HS2ST1: variants seen among roughly 807,000 people sequenced by gnomAD.
HS2ST1 encodes heparan sulfate 2-O-sulfotransferase 1.
HS2ST1 carries 18 observed loss-of-function variants against 42.9 expected under a neutral mutation model. The ratio of observed to expected loss-of-function variants is 0.42; its 90% CI spans 0.29 to 0.62. The LOEUF is 0.62. HS2ST1 is among the 20% of genes least tolerant of loss of function. The pLI, the probability that HS2ST1 is intolerant of heterozygous loss-of-function variation, is 0.21. For synonymous variants in HS2ST1, 146 were observed against 152.9 expected (o/e 0.95, Z 0.33); for missense variants, 334 against 433.8 (o/e 0.77, Z 2.04).
At chr1:87,084,779 C>T (rs942132946) in intron 3 of HS2ST1, among the ~76,000 whole-genome samples, 7 of 151,340 alleles carry the variant, frequency 4.6e-5, no homozygotes, top group African/African-American at 1.2e-4. Flanking sequence ...TCTCTCACCC[C>T]CCCTCTCCTT....
At chr1:87,074,669 A>G (rs1044960543) in intron 2 of HS2ST1, among the ~76,000 whole-genome samples, 2 of 152,046 alleles carry the variant, frequency 1.3e-5, no homozygotes, top group African/African-American at 4.8e-5. Flanking sequence ...TTTTCTTTTA[A>G]TAACTTGTTG....
chr1:87,048,282 G>A (rs973463804), intron 1 of HS2ST1, among the ~76,000 whole-genome samples: 12 of 152,102 alleles, frequency 7.9e-5, no homozygotes, highest in Middle Eastern at 3.4e-3. Context: ...ATTAATTCTC[G>A]TAGCTTTTTT....
chr1:86,952,384 C>T (rs1162935556), intron 1 of HS2ST1, among the ~76,000 whole-genome samples: 11 of 152,098 alleles, frequency 7.2e-5, no homozygotes, highest in South Asian at 2.1e-4. Flanking sequence ...ATTACAGGCA[C>T]GTACCACCAC....
chr1:86,950,234 C>A (rs1316697016), intron 1 of HS2ST1, among the ~76,000 whole-genome samples: 1 of 152,014 alleles, frequency 6.6e-6, no homozygotes, highest in African/African-American at 2.4e-5. Context: ...CCATTTTTTT[C>A]TTTTTGCCAG....
chr1:87,067,022 A>G (rs1209572859), intron 1 of HS2ST1, among the ~76,000 whole-genome samples: 1 of 152,176 alleles, frequency 6.6e-6, no homozygotes, highest in Non-Finnish European at 1.5e-5. Flanking sequence ...ACAGTGCCAC[A>G]GTAAAACATA....
chr1:87,001,337 A>G (rs1445380643), intron 1 of HS2ST1, among the ~76,000 whole-genome samples: 1 of 152,074 alleles, frequency 6.6e-6, no homozygotes, highest in Non-Finnish European at 1.5e-5. Context: ...TCAAATCTTT[A>G]TTTACTTTTG....
At chr1:87,098,093 T>C in intron 5 of HS2ST1, 158 bp downstream of exon 5, 1 of 1,418,132 alleles carries the variant, frequency 7.1e-7, no homozygotes, top group East Asian at 2.6e-5. Flanking sequence ...TACTTTTAAA[T>C]GCATTTAAAA....
intron 2 of HS2ST1, among the ~76,000 whole-genome samples, chr1:87,081,994 GAAAA>G (rs11377056): frequency 6.9e-6 from 1 of 145,394 alleles, no homozygotes; most frequent in Non-Finnish European, 1.5e-5. Flanking sequence ...AGAAAAAAAA[GAAAA>G]AAAAAGAAGG....
At chr1:87,054,559 G>T (rs1650915052) in intron 1 of HS2ST1, among the ~76,000 whole-genome samples, 1 of 152,130 alleles carries the variant, frequency 6.6e-6, no homozygotes, top group African/African-American at 2.4e-5. Context: ...ATGTGCCTGT[G>T]TGAAGAAATG....
rs1203071296 is a variant in HS2ST1, at chr1:86,999,469, C to T, written c.125-73465C>T. On this transcript the variant is annotated intron_variant, in intron 1 of 6. Coordinates refer to ENST00000370550, the MANE Select transcript of HS2ST1 (RefSeq NM_012262.4). ...CTGGGATTACAGGCGTGAGCCACCA[C>T]ACCTGGCCTTTTATTTTCTTCTTAG... Among the ~76,000 whole-genome samples, 5 of 152,168 alleles carry T rather than the reference C, an allele frequency of 3.3e-5. No individual in the cohort carries two copies. The South Asian group carries it at 1.0e-3, about 32-fold the overall frequency.
chr1:87,076,259 G>A (rs1336987756), intron 2 of HS2ST1, among the ~76,000 whole-genome samples: 1 of 152,106 alleles, frequency 6.6e-6, no homozygotes, highest in Non-Finnish European at 1.5e-5. Context: ...TGTAATGTAT[G>A]GTCTGTGATC....
In HS2ST1 at chr1:87,045,483, G is replaced by C. The variant is rs1570508699; in HGVS notation, c.125-27451G>C. 3.0e-6 allele frequency: 3 copies of C among 1,011,274 alleles called. No individual in the cohort carries two copies. In the African/African-American group the frequency reaches 4.7e-5, roughly 16 times the overall value. The allele number at this position is 1,011,274 out of a possible 1,614,324, so 62.6% of individuals were successfully genotyped here. A position where few individuals can be genotyped will look rare whatever the true frequency, so the allele number is the denominator to read the frequency against. On this transcript the variant is annotated intron_variant, in intron 1 of 6. Transcript: ENST00000370550. ...CGTAAGGTGAGAACAGTCACTTTAT[G>C]GACATTCAGCCGTACAGTCACCTGG...
chr1:86,939,284 G>T (rs1660717607), intron 1 of HS2ST1, among the ~76,000 whole-genome samples: 1 of 152,122 alleles, frequency 6.6e-6, no homozygotes, highest in South Asian at 2.1e-4. Flanking sequence ...ATAATCAGTT[G>T]TAAAAAGGTG....
chr1:87,049,813 G>C (rs370871742), intron 1 of HS2ST1, among the ~76,000 whole-genome samples: 1 of 151,974 alleles, frequency 6.6e-6, no homozygotes, highest in Admixed American at 6.6e-5. Flanking sequence ...GTATCTTAGT[G>C]ATTTTCTGTT....
At chr1:87,015,813 C>A (rs1404965244) in intron 1 of HS2ST1, among the ~76,000 whole-genome samples, 1 of 151,024 alleles carries the variant, frequency 6.6e-6, no homozygotes, top group Admixed American at 6.6e-5. Flanking sequence ...CTTTTTCTTT[C>A]TTTTTTTTTA....
chr1:87,101,320 C>T (rs1318888432), intron 5 of HS2ST1, among the ~76,000 whole-genome samples: 1 of 151,660 alleles, frequency 6.6e-6, no homozygotes, highest in Non-Finnish European at 1.5e-5. Flanking sequence ...CGTGTGCCAC[C>T]ATGCCCAGCT....
intron 1 of HS2ST1, among the ~76,000 whole-genome samples, chr1:87,033,850 T>G (rs1650302787): frequency 6.6e-6 from 1 of 152,132 alleles, no homozygotes. Flanking sequence ...GGCCTTAAAG[T>G]GGTAAATTTT....
intron 1 of HS2ST1, among the ~76,000 whole-genome samples, chr1:86,946,997 A>G (rs947056117): frequency 6.6e-6 from 1 of 152,228 alleles, no homozygotes; most frequent in Non-Finnish European, 1.5e-5. Context: ...GATAGTAATT[A>G]TGGATAACTG....
rs183795316 is a variant in HS2ST1 at position 86,915,409 on chromosome 1, G to A, written c.124+249G>A. ...AAGGTTGGGCTTCCCTAGCCAAAGG[G>A]TAGCCCCGAAGTAGGCATTCCGCGG... On this transcript the variant is annotated intron_variant, in intron 1 of 6. Transcript: ENST00000370550. Among the ~76,000 whole-genome samples, 169 of 152,356 alleles carry A rather than the reference G, an allele frequency of 1.1e-3. 2 individuals are homozygous for A. The South Asian group carries it at 0.012, about 11-fold the overall frequency.
Sources: gnomAD v4.1 joint callset for allele counts (sites outside exome capture counted in the v4.1 genomes callset) on GRCh38, gnomAD v4.1.1 for gene constraint, MANE v1.5 for transcripts, NCBI Gene and HGNC (gene_info 2026-07-23, HGNC 2026-07-21) for gene names.